Variants in MYL12A observed in about 807,000 individuals in gnomAD.
MYL12A encodes the protein myosin light chain 12A.
Under a neutral mutation model 13.3 loss-of-function variants are expected in MYL12A, and 11 were observed. The observed-to-expected ratio is 0.83, with a 90% CI of 0.52 to 1.37. MYL12A has a LOEUF of 1.37. Among genes scored for constraint, MYL12A ranks in the 40% most tolerant of loss-of-function variants. The pLI, the probability that MYL12A is intolerant of heterozygous loss-of-function variation, is 0.00. For missense variants in MYL12A, 146 were observed against 212.3 expected (o/e 0.69, Z 1.94); for synonymous variants, 51 against 69.9 (o/e 0.73, Z 1.35).
At chr18:3,248,437 C>T (rs2081452025) in intron 1 of MYL12A, 1 of 152,184 alleles carries the variant, frequency 6.6e-6, no homozygotes, top group South Asian at 2.1e-4. Flanking sequence ...CGAAGAAAAA[C>T]TCCAAAATGT....
In MYL12A at chr18:3,256,075, G is replaced by T; in HGVS notation, c.*157G>T. On this transcript the variant is annotated 3_prime_UTR_variant, in exon 4 of 4. Coordinates refer to ENST00000217652, the MANE Select transcript of MYL12A (RefSeq NM_006471.4). Reference sequence around the variant, plus strand: ...TATCTTTATAATCAGACTGGAAACGGGACTTTCTATTAATATCATTTTCAG... The same window carrying T: ...TATCTTTATAATCAGACTGGAAACGTGACTTTCTATTAATATCATTTTCAG... 1.1e-6 allele frequency: 1 copy of T among 916,650 alleles called. No homozygotes were observed. Among genetic ancestry groups the T allele is most frequent in the Non-Finnish European group, 1.6e-6 (1 of 616,756 alleles). The allele number at this position is 916,650 out of a possible 1,614,324, so 56.8% of individuals were successfully genotyped here.
At chr18:3,249,333 T>C (rs1263836721) in intron 1 of MYL12A, 2 of 152,228 alleles carry the variant, frequency 1.3e-5, no homozygotes, top group Non-Finnish European at 2.9e-5. Context: ...ACATTTTCCT[T>C]AATCATGTTG....
intron 1 of MYL12A, among the ~76,000 whole-genome samples, chr18:3,251,477 G>A (rs976547421): frequency 6.6e-6 from 1 of 152,184 alleles, no homozygotes; most frequent in African/African-American, 2.4e-5. Context: ...GGCTTGCAAA[G>A]GCGTGACATG....
intron 1 of MYL12A, chr18:3,252,473 A>C (rs2081495876): frequency 7.8e-7 from 1 of 1,275,268 alleles, no homozygotes; most frequent in African/African-American, 1.5e-5. Context: ...TTTTACCGGG[A>C]TAAATTTAGG....
At position 3,255,677 on chromosome 18, in the gene MYL12A, G is replaced by C. The variant is rs2081529664; in HGVS notation, c.344-69G>C. The C allele has an allele frequency of 2.6e-6, 4 of 1,518,536 alleles. No individual in the cohort carries two copies. In the East Asian group the frequency reaches 9.1e-5, roughly 35 times the overall value. The allele number at this position is 1,518,536 out of a possible 1,614,324, so 94.1% of individuals were successfully genotyped here. ...TAACATACAGAACATGCTTAGTCAA[G>C]TATAGATATTCTTTGTAATTAACCC... is the stretch of plus-strand genomic sequence containing the variant. On this transcript the variant is annotated intron_variant, in intron 3 of 3. Coordinates refer to ENST00000217652, the MANE Select transcript of MYL12A (RefSeq NM_006471.4).
rs201315662 is a variant in MYL12A, at chr18:3,253,444, A to G, written c.181+16A>G. ...GCTTCATTGGGTAATGCTCAGTTTA[A>G]ATATTAATCTATTGGATAGAATTTC... On this transcript the variant is annotated intron_variant, in intron 2 of 3. Transcript: ENST00000217652. 1 of 1,609,514 alleles carries G rather than the reference A, an allele frequency of 6.2e-7. No homozygotes were observed. Among genetic ancestry groups the G allele is most frequent in the East Asian group, 2.2e-5 (1 of 44,856 alleles).
At chr18:3,253,530 T>C in intron 2 of MYL12A, 102 bp downstream of exon 2, 2 of 1,378,370 alleles carry the variant, frequency 1.5e-6, no homozygotes, top group Non-Finnish European at 2.0e-6. Context: ...GTCTAATGAG[T>C]CTACTAAGGT....
chr18:3,253,478 C>T (rs1300479639), intron 2 of MYL12A, 50 bp downstream of exon 2: 2 of 1,581,278 alleles, frequency 1.3e-6, no homozygotes, highest in East Asian at 4.5e-5. Flanking sequence ...TCCATGGTGC[C>T]TTTCATCTTG....
intron 1 of MYL12A, chr18:3,252,408 A>C (rs1015242825): frequency 2.1e-6 from 3 of 1,433,198 alleles, no homozygotes; most frequent in Non-Finnish European, 2.8e-6. Flanking sequence ...TGAGTATTGA[A>C]AATTGCCTTT....
At chr18:3,250,570 C>T (rs547860173) in intron 1 of MYL12A, among the ~76,000 whole-genome samples, 1 of 152,324 alleles carries the variant, frequency 6.6e-6, no homozygotes, top group South Asian at 2.1e-4. Context: ...TGGAAAATAA[C>T]TCATAGATCA....
intron 1 of MYL12A, chr18:3,252,150 G>C: frequency 2.0e-6 from 1 of 510,718 alleles, no homozygotes; most frequent in African/African-American, 1.9e-5. Context: ...TGTTTTGCCA[G>C]ATCATAGCTA....
At position 3,253,315 on chromosome 18, in the gene MYL12A, C is replaced by G. The variant is rs748662254; in HGVS notation, c.68C>G (p.Ala23Gly). ...CAGCGTGCAACATCCAATGTGTTTG[C>G]TATGTTTGACCAGTCACAGATTCAG... ...RPQRATSNVFAMFDQSQIQEF... is the reference protein window; with the variant it reads ...RPQRATSNVFGMFDQSQIQEF... Residue 23 changes from alanine to glycine, a missense_variant, in exon 2 of 4, where the codon GCT becomes GGT. Physicochemically the swap from Ala to Gly is moderately conservative, Grantham distance 60. Transcript: ENST00000217652. The G allele has an allele frequency of 6.2e-7, 1 of 1,614,060 alleles. No individual in the cohort carries two copies.
rs746957032 is a variant in MYL12A, at chr18:3,255,733, C to G, written c.344-13C>G. ...ATAGTATGTATTCTGATCCCTTGTT[C>G]TTTATTCTCCAGGCACCATACAGGA... On this transcript the variant is annotated splice_polypyrimidine_tract_variant and intron_variant, in intron 3 of 3. Coordinates refer to ENST00000217652, the MANE Select transcript of MYL12A (RefSeq NM_006471.4). 6.2e-5 allele frequency: 100 copies of G among 1,608,264 alleles called. No individual in the cohort carries two copies. Among genetic ancestry groups the G allele is most frequent in the Non-Finnish European group, 8.2e-5 (97 of 1,178,550 alleles).
intron 3 of MYL12A, 105 bp downstream of exon 3, chr18:3,254,155 C>T: frequency 7.7e-7 from 1 of 1,298,924 alleles, no homozygotes. Flanking sequence ...GTTTGTACTA[C>T]ACCTATTTTT....
chr18:3,252,316 C>G (rs1017093482), intron 1 of MYL12A: 2 of 1,533,162 alleles, frequency 1.3e-6, no homozygotes, highest in Non-Finnish European at 1.7e-6. Flanking sequence ...CCCTGCAACT[C>G]TGAAGGATGG....
intron 1 of MYL12A, chr18:3,248,291 G>A (rs1418448424): frequency 6.6e-6 from 1 of 152,242 alleles, no homozygotes; most frequent in East Asian, 1.9e-4. Flanking sequence ...TGTTGCAGCT[G>A]TGTGGCTGCG....
At chr18:3,253,613 G>T in intron 2 of MYL12A, 185 bp downstream of exon 2, 1 of 796,398 alleles carries the variant, frequency 1.3e-6, no homozygotes, top group South Asian at 2.0e-5. Context: ...GGATTGGGTT[G>T]GGGTTCGTGT....
chr18:3,255,703 TC>T (rs1161945080), intron 3 of MYL12A, 42 bp from the exon 4 acceptor site: 15 of 1,575,800 alleles, frequency 9.5e-6, no homozygotes, highest in Non-Finnish European at 1.2e-5. Flanking sequence ...TAATTAACCC[TC>T]AGAATAGTAT....
Position 3,247,872 on chromosome 18 carries a change from GGCTCGGAGAGGT to G in MYL12A, c.-45_-34del, listed in dbSNP as rs1272139368. 1 of 152,014 alleles carries G rather than the reference GGCTCGGAGAGGT, an allele frequency of 6.6e-6. No homozygotes were observed. Among genetic ancestry groups the G allele is most frequent in the African/African-American group, 2.4e-5 (1 of 41,246 alleles). 9.4% of individuals were successfully genotyped at this position (152,014 alleles called of 1,614,324 possible). On this transcript the variant is annotated 5_prime_UTR_variant, in exon 1 of 4. Transcript: ENST00000217652. ...GGGTGGTGTGATAGCGGCAGCGAGG[GGCTCGGAGAGGT>G]GCTCGGATTCTCGTAGCTGTGCCGG...
Sources: allele counts gnomAD v4.1 joint callset (sites outside exome capture counted in the v4.1 genomes callset), GRCh38; gene constraint gnomAD v4.1.1; transcripts MANE v1.5; gene names NCBI Gene and HGNC (gene_info 2026-07-23, HGNC 2026-07-21).